Variants in LAMC2 observed in about 807,000 individuals in gnomAD.
The protein encoded by LAMC2 is laminin subunit gamma 2, also known as laminin subunit gamma-2.
Under a neutral mutation model 140.2 loss-of-function variants are expected in LAMC2, and 97 were observed. That is an observed-to-expected ratio of 0.69 (90% CI 0.59 to 0.82). The LOEUF (loss-of-function observed/expected upper bound fraction) is 0.82, where lower values mean the gene tolerates loss of function less well. Ranked by LOEUF, LAMC2 falls within the 40% of genes least tolerant of loss-of-function variation. The probability of loss-of-function intolerance (pLI) is 0.00; values close to 1 mark genes in which losing one functional copy is unlikely to be tolerated. For missense variants in LAMC2, 1,402 were observed against 1,476.1 expected (o/e 0.95, Z 0.82); for synonymous variants, 513 against 540.2 (o/e 0.95, Z 0.70).
intron 2 of LAMC2, among the ~76,000 whole-genome samples, chr1:183,211,198 G>C (rs1659058179): frequency 6.6e-6 from 1 of 152,182 alleles, no homozygotes; most frequent in Non-Finnish European, 1.5e-5. Context: ...CAACAGGGCT[G>C]AGTTACCTTC....
rs767181086 is a variant in LAMC2, at chr1:183,220,922, G to T, written c.601G>T (p.Glu201Ter). 1 of 1,614,186 alleles carries T rather than the reference G, an allele frequency of 6.2e-7. No homozygotes were observed. The highest frequency in any genetic ancestry group is 1.1e-5 in the South Asian group (1 of 91,080). Reference protein sequence around the residue: ...GHSASCRSSAEYSVHKITSTF... With the variant: ...GHSASCRSSA ...TTCAGCCAGCTGCCGCAGCTCTGCA[G>T]AATACAGTGTCCATAAGATCACCTC... The change falls in exon 5 of 23, where the codon GAA becomes TAA. Residue 201 changes from glutamate to a stop codon, truncating the protein, a stop_gained. Transcript: ENST00000264144. LOFTEE classifies it high-confidence loss of function.
chr1:183,247,717 C>T (rs757983067), downstream of LAMC2, among the ~76,000 whole-genome samples: 11 of 152,074 alleles, frequency 7.2e-5, no homozygotes, highest in South Asian at 1.0e-3. Context: ...CACACCTAAC[C>T]CAATATAGGG....
chr1:183,201,264 T>C (rs647947), intron 1 of LAMC2, among the ~76,000 whole-genome samples: 100,264 of 152,146 alleles, frequency 0.66, 35,380 homozygotes, highest in African/African-American at 0.91. Flanking sequence ...GACCTTAGAA[T>C]GGCTTCAGAT....
At chr1:183,239,741 T>C (rs1660073384) in intron 20 of LAMC2, 178 bp downstream of exon 20, 1 of 658,890 alleles carries the variant, frequency 1.5e-6, no homozygotes, top group African/African-American at 1.8e-5. Context: ...AATGATGTGT[T>C]TTTTTGTCCT....
chr1:183,223,417 C>A, intron 7 of LAMC2, 93 bp downstream of exon 7: 1 of 1,269,832 alleles, frequency 7.9e-7, no homozygotes, highest in Non-Finnish European at 1.1e-6. Flanking sequence ...TTCATTTGTT[C>A]AACAAGCCTT....
chr1:183,230,853 A>C (rs1320556300), intron 11 of LAMC2, 108 bp from the exon 12 acceptor site: 2 of 1,302,572 alleles, frequency 1.5e-6, no homozygotes, highest in East Asian at 4.6e-5. Context: ...TGGAGGTATA[A>C]AAGGATTCTC....
Position 183,228,595 on chromosome 1 carries a change from C to G in LAMC2, c.1690C>G (p.Pro564Ala). 2 of 1,614,070 alleles carry G rather than the reference C, an allele frequency of 1.2e-6. No individual in the cohort carries two copies. The highest frequency in any genetic ancestry group is 1.7e-6 in the Non-Finnish European group (2 of 1,180,022). ...KAGYFGDPLA[P>A]NPADKCRACN... ...AGGCTACTTCGGGGACCCATTGGCT[C>G]CCAACCCAGCAGACAAGTGTCGAGG... The change falls in exon 11 of 23, where the codon CCC becomes GCC. Residue 564 changes from proline (P) to alanine (A), a missense_variant. By Grantham distance (27) the Pro-to-Ala change is conservative (BLOSUM62 -1). Transcript: ENST00000264144. This position sits in a 1 kb window ranked among gnomAD's most constrained non-coding sequence, Gnocchi z 4.3.
chr1:183,232,535 G>A (rs1397377387), intron 13 of LAMC2, 117 bp from the exon 14 acceptor site: 2 of 1,095,748 alleles, frequency 1.8e-6, no homozygotes, highest in Non-Finnish European at 2.7e-6. Flanking sequence ...ATGGTTGGAT[G>A]CATTTCTCTA....
intron 4 of LAMC2, among the ~76,000 whole-genome samples, chr1:183,220,164 C>T (rs1659423264): frequency 6.6e-6 from 1 of 152,208 alleles, no homozygotes; most frequent in Non-Finnish European, 1.5e-5. Context: ...ACTCCAGCAT[C>T]GAGGATGCCC....
At chr1:183,202,359 TAATA>T (rs1430121525) in intron 1 of LAMC2, among the ~76,000 whole-genome samples, 1 of 152,054 alleles carries the variant, frequency 6.6e-6, no homozygotes, top group African/African-American at 2.4e-5. Context: ...TTTATTAAAT[TAATA>T]AAATAAATAT....
chr1:183,212,116 T>G (rs1334602415), intron 2 of LAMC2, among the ~76,000 whole-genome samples: 1 of 152,172 alleles, frequency 6.6e-6, no homozygotes, highest in Non-Finnish European at 1.5e-5. Context: ...TCCCCCACTT[T>G]ATTAAAATAA....
At position 183,235,696 on chromosome 1, in the gene LAMC2, C is replaced by A; in HGVS notation, c.2422C>A (p.Pro808Thr). 6.2e-7 allele frequency: 1 copy of A among 1,614,192 alleles called. No individual in the cohort carries two copies. The highest frequency in any genetic ancestry group is 1.3e-5 in the African/African-American group (1 of 75,054). Reference sequence around the variant, plus strand: ...AGGAGTCGGAAGCGGAAGCGGTAGCCCGGACGGTGCTGTGGTGCAAGGGCT... The same window carrying A: ...AGGAGTCGGAAGCGGAAGCGGTAGCACGGACGGTGCTGTGGTGCAAGGGCT... Reference protein sequence around the residue: ...HEGVGSGSGSPDGAVVQGLVE... With the variant: ...HEGVGSGSGSTDGAVVQGLVE... The change falls in exon 16 of 23, where the codon CCG becomes ACG. Residue 808 changes from proline (P) to threonine (T), a missense_variant. Pro to Thr is a conservative substitution (Grantham distance 38). Around this residue, in one of 3 missense-constraint regions of LAMC2, gnomAD observed 670 missense variants for 667.2 expected, o/e 1.00. Coordinates refer to ENST00000264144, the MANE Select transcript of LAMC2 (RefSeq NM_005562.3).
At chr1:183,254,929 T>G in the LAMC2 span, among the ~76,000 whole-genome samples, 1 of 152,192 alleles carries the variant, frequency 6.6e-6, no homozygotes, top group Non-Finnish European at 1.5e-5. Context: ...GAAGTCCCAT[T>G]TATTTATTTA....
Position 183,244,081 on chromosome 1 carries a change from T to A in LAMC2, c.*681T>A, listed in dbSNP as rs1405634844. 1 of 152,320 alleles carries A rather than the reference T, an allele frequency of 6.6e-6. No homozygotes were observed. Among genetic ancestry groups the A allele is most frequent in the Non-Finnish European group, 1.5e-5 (1 of 68,090 alleles). The allele number at this position is 152,320 out of a possible 1,614,324, so 9.4% of individuals were successfully genotyped here. ...GACCTGGGCATGACATCCTTTCTTT[T>A]AATGATGCCATGGCAACTTAGAGAT... On this transcript the variant is annotated 3_prime_UTR_variant, in exon 23 of 23. Transcript: ENST00000264144.
intron 5 of LAMC2, among the ~76,000 whole-genome samples, chr1:183,221,665 C>T (rs1023103863): frequency 6.6e-6 from 1 of 151,392 alleles, no homozygotes; most frequent in Non-Finnish European, 1.5e-5. Flanking sequence ...GGAGGCGGAG[C>T]TTGCAGTGAG....
Position 183,244,726 on chromosome 1 carries a change from C to T in LAMC2, c.*1326C>T, listed in dbSNP as rs1007560091. ...ATTTCTTTGCATTCCAGCTGTCACT[C>T]TGTGCCTTTCTACAACTGATTGCAA... On this transcript the variant is annotated 3_prime_UTR_variant, in exon 23 of 23. Coordinates refer to ENST00000264144, the MANE Select transcript of LAMC2 (RefSeq NM_005562.3). 1.3e-5 allele frequency: 2 copies of T among 152,648 alleles called. No homozygotes were observed. The highest frequency in any genetic ancestry group is 2.4e-5 in the African/African-American group (1 of 41,442). 9.5% of individuals were successfully genotyped at this position (152,648 alleles called of 1,614,324 possible). A position where few individuals can be genotyped will look rare whatever the true frequency, so the allele number is the denominator to read the frequency against.
At chr1:183,241,334 AC>A (rs1660132393) in intron 22 of LAMC2, 1 of 985,096 alleles carries the variant, frequency 1.0e-6, no homozygotes, top group East Asian at 1.1e-4. Context: ...CCTTGATGTA[AC>A]CAGTGGGAGG....
At chr1:183,252,453 T>G in the LAMC2 span, 4 of 521,294 alleles carry the variant, frequency 7.7e-6, no homozygotes, top group Non-Finnish European at 1.0e-5. Context: ...TAGAGGAAAG[T>G]CTGTCCAAAG....
intron 1 of LAMC2, among the ~76,000 whole-genome samples, chr1:183,189,464 T>C (rs575474): frequency 0.57 from 86,688 of 151,928 alleles, 25,472 homozygotes; most frequent in East Asian, 0.73. Context: ...CCTGTGAGGG[T>C]GAGGCTACAG....
Sources: gnomAD v4.1 joint callset for allele counts (sites outside exome capture counted in the v4.1 genomes callset) on GRCh38, gnomAD v4.1.1 for gene constraint, gnomAD v4.1.1 regional missense constraint, Gnocchi (gnomAD v3.1) non-coding constraint, MANE v1.5 for transcripts, NCBI Gene and HGNC (gene_info 2026-07-23, HGNC 2026-07-21) for gene names.